Variants in PLD5 observed in about 807,000 individuals in gnomAD.
PLD5 encodes the protein phospholipase D family member 5, also known as inactive phospholipase D5.
Under a neutral mutation model 61.1 loss-of-function variants are expected in PLD5, and 36 were observed. The ratio of observed to expected loss-of-function variants is 0.59; its 90% CI spans 0.45 to 0.78. The LOEUF is 0.78. Among genes scored for constraint, PLD5 ranks in the 30% least tolerant of loss-of-function variants. The probability of loss-of-function intolerance (pLI) is 0.00; values close to 1 mark genes in which losing one functional copy is unlikely to be tolerated. For missense variants in PLD5, 515 were observed against 644.4 expected (o/e 0.80, Z 2.17); for synonymous variants, 243 against 242.8 (o/e 1.00, Z -0.01).
chr1:242,253,458 T>C (rs1328372138), intron 4 of PLD5, among the ~76,000 whole-genome samples: 2 of 151,668 alleles, frequency 1.3e-5, no homozygotes, highest in Non-Finnish European at 2.9e-5. Context: ...AGACTACAGG[T>C]GCCTGCCACC....
At chr1:242,391,059 G>A (rs183667758) in intron 1 of PLD5, among the ~76,000 whole-genome samples, 1 of 152,280 alleles carries the variant, frequency 6.6e-6, no homozygotes, top group East Asian at 1.9e-4. Context: ...GCCAGGTGTG[G>A]TGGCGGGTAT....
chr1:242,159,380 C>T (rs985400775), intron 5 of PLD5, among the ~76,000 whole-genome samples: 1 of 152,162 alleles, frequency 6.6e-6, no homozygotes, highest in African/African-American at 2.4e-5. Flanking sequence ...TTGTCAGTGT[C>T]TGCTCCACCC....
intron 5 of PLD5, among the ~76,000 whole-genome samples, chr1:242,168,845 A>ATTTTTTTTTTTTTTTTT (rs1574439363): frequency 3.4e-5 from 1 of 29,244 alleles, no homozygotes; most frequent in Non-Finnish European, 5.4e-5. Flanking sequence ...TAATTAATGA[A>ATTTTTTTTTTTTTTTTT]GTTTTTTTTT....
intron 5 of PLD5, among the ~76,000 whole-genome samples, chr1:242,187,781 G>C (rs1041661594): frequency 6.6e-6 from 1 of 152,196 alleles, no homozygotes; most frequent in Admixed American, 6.5e-5. Context: ...AGAGGGGAAA[G>C]AATTCCATGT....
At chr1:242,101,609 G>T (rs992116547) in intron 8 of PLD5, among the ~76,000 whole-genome samples, 1 of 152,196 alleles carries the variant, frequency 6.6e-6, no homozygotes, top group East Asian at 1.9e-4. Flanking sequence ...TCAGAACTGC[G>T]TGGAACCTTG....
intron 3 of PLD5, among the ~76,000 whole-genome samples, chr1:242,272,485 T>C (rs1344912306): frequency 6.6e-6 from 1 of 152,148 alleles, no homozygotes; most frequent in Non-Finnish European, 1.5e-5. Flanking sequence ...AAATCTGTCT[T>C]GTAACTGCCA....
At chr1:242,148,120 CTT>C (rs1300534783) in intron 5 of PLD5, among the ~76,000 whole-genome samples, 1 of 151,774 alleles carries the variant, frequency 6.6e-6, no homozygotes, top group Non-Finnish European at 1.5e-5. Flanking sequence ...ATATTTTTCT[CTT>C]TGTTTTCTTC....
chr1:242,269,370 T>C (rs1445059389), intron 3 of PLD5, among the ~76,000 whole-genome samples: 1 of 151,858 alleles, frequency 6.6e-6, no homozygotes, highest in African/African-American at 2.4e-5. Flanking sequence ...TGCAGGAAGC[T>C]GTACCCCCAA....
intron 3 of PLD5, among the ~76,000 whole-genome samples, chr1:242,286,309 CA>C (rs1427986777): frequency 2.0e-5 from 3 of 151,898 alleles, no homozygotes; most frequent in African/African-American, 7.3e-5. Flanking sequence ...TGTGCCATCT[CA>C]AAATATGTCA....
chr1:242,135,023 C>G (rs1198806707), intron 5 of PLD5, among the ~76,000 whole-genome samples: 1 of 152,154 alleles, frequency 6.6e-6, no homozygotes, highest in Admixed American at 6.5e-5. Flanking sequence ...AGCTCTCCAG[C>G]CTTCTTGACT....
At chr1:242,423,597 C>G (rs1432603231) in intron 1 of PLD5, among the ~76,000 whole-genome samples, 1 of 152,070 alleles carries the variant, frequency 6.6e-6, no homozygotes, top group Admixed American at 6.6e-5. Flanking sequence ...AGCCCAGGAA[C>G]TCAAGACCAG....
intron 5 of PLD5, among the ~76,000 whole-genome samples, chr1:242,207,549 T>G (rs1359046494): frequency 6.6e-6 from 1 of 151,888 alleles, no homozygotes; most frequent in African/African-American, 2.4e-5. Flanking sequence ...CCCATGCTTC[T>G]TTCTGACTCT....
chr1:242,329,010 TTA>T (rs1359879863), intron 2 of PLD5, among the ~76,000 whole-genome samples: 1 of 44,556 alleles, frequency 2.2e-5, no homozygotes, highest in Non-Finnish European at 4.7e-5. Flanking sequence ...TTTGTTTTAT[TTA>T]TTTATTATTT....
chr1:242,279,270 A>T (rs1282765443), intron 3 of PLD5, among the ~76,000 whole-genome samples: 1 of 152,208 alleles, frequency 6.6e-6, no homozygotes, highest in Non-Finnish European at 1.5e-5. Flanking sequence ...AACCTATGAA[A>T]GTTGAACAAT....
At chr1:242,493,194 C>T (rs1327084778) in intron 1 of PLD5, among the ~76,000 whole-genome samples, 1 of 152,148 alleles carries the variant, frequency 6.6e-6, no homozygotes, top group Admixed American at 6.5e-5. Context: ...GCCAATTACC[C>T]TTCCTGTCAT....
chr1:242,504,397 T>C (rs908947736), intron 1 of PLD5, among the ~76,000 whole-genome samples: 10 of 152,212 alleles, frequency 6.6e-5, no homozygotes, highest in African/African-American at 2.4e-4. Context: ...GACTACAACA[T>C]GCATGAGATT....
At chr1:242,505,511 G>T (rs1050816743) in intron 1 of PLD5, among the ~76,000 whole-genome samples, 3 of 152,138 alleles carry the variant, frequency 2.0e-5, no homozygotes, top group Non-Finnish European at 4.4e-5. Flanking sequence ...AGAAAATAAG[G>T]ATGCATTTCT....
intron 9 of PLD5, 71 bp from the exon 10 acceptor site, chr1:242,090,181 C>T: frequency 1.3e-6 from 2 of 1,554,260 alleles, no homozygotes; most frequent in African/African-American, 1.4e-5. Flanking sequence ...TAATGAAATT[C>T]AGAGTGGATT....
chr1:242,429,889 TC>T (rs1330686749), intron 1 of PLD5, among the ~76,000 whole-genome samples: 1 of 152,214 alleles, frequency 6.6e-6, no homozygotes, highest in Non-Finnish European at 1.5e-5. Context: ...GTAATTTTCT[TC>T]CTAGGGAAAA....
Sources: gnomAD v4.1 joint callset for allele counts (sites outside exome capture counted in the v4.1 genomes callset) on GRCh38, gnomAD v4.1.1 for gene constraint, MANE v1.5 for transcripts, NCBI Gene and HGNC (gene_info 2026-07-23, HGNC 2026-07-21) for gene names.